Variants in NEXMIF observed in about 807,000 individuals in gnomAD.
NEXMIF encodes XLMR protein related to neurite extension.
In NEXMIF, 8 loss-of-function variants were observed where a neutral mutation model predicts 62.1. The observed-to-expected ratio is 0.13, with a 90% CI of 0.08 to 0.23. The LOEUF is 0.23. NEXMIF is among the 10% of genes least tolerant of loss of function. NEXMIF has a pLI of 1.00. For missense variants in NEXMIF, 976 were observed against 1,113.3 expected, an observed-to-expected ratio of 0.88 and a Z score of 1.75; for synonymous variants, 404 against 416.6, an observed-to-expected ratio of 0.97 and a Z score of 0.37.
intron 1 of NEXMIF, among the ~76,000 whole-genome samples, chrX:74,826,764 A>T (rs190730237): frequency 9.0e-6 from 1 of 111,162 alleles, no homozygotes; most frequent in Non-Finnish European, 1.9e-5. Context: ...TTAAGTCTTT[A>T]TTCCATTTTG....
At chrX:74,891,900 A>G (rs963439357) in intron 1 of NEXMIF, among the ~76,000 whole-genome samples, 8 of 112,232 alleles carry the variant, frequency 7.1e-5, no homozygotes, top group African/African-American at 2.6e-4. Flanking sequence ...TTCACAGCTC[A>G]ACCTGGAGGG....
chrX:74,920,785 G>A (rs770851689), intron 1 of NEXMIF, among the ~76,000 whole-genome samples: 1 of 111,716 alleles, frequency 9.0e-6, no homozygotes, highest in Non-Finnish European at 1.9e-5. Context: ...CTTTACACCT[G>A]TTCTTGACAG....
At chrX:74,883,154 A>C (rs990903650) in intron 1 of NEXMIF, among the ~76,000 whole-genome samples, 1 of 111,715 alleles carries the variant, frequency 9.0e-6, no homozygotes, top group African/African-American at 3.3e-5. Context: ...GTACGTCACC[A>C]TCATCAAAGA....
At chrX:74,802,582 CAAG>C (rs2080333055) in intron 1 of NEXMIF, among the ~76,000 whole-genome samples, 1 of 110,285 alleles carries the variant, frequency 9.1e-6, no homozygotes, top group Non-Finnish European at 1.9e-5. Context: ...AAAGCCTTTC[CAAG>C]AAGGACAGGT....
chrX:74,880,293 C>T (rs758407007), intron 1 of NEXMIF, among the ~76,000 whole-genome samples: 1 of 111,822 alleles, frequency 8.9e-6, no homozygotes, highest in East Asian at 2.8e-4. Flanking sequence ...ATAACTTCCA[C>T]AGACAGACTG....
chrX:74,767,130 C>T (rs960425561), intron 1 of NEXMIF, among the ~76,000 whole-genome samples: 1 of 112,317 alleles, frequency 8.9e-6, no homozygotes, highest in East Asian at 2.8e-4. Context: ...GAGCTCTGTC[C>T]CAGGGAGCTG....
chrX:74,884,009 A>T (rs2080678450), intron 1 of NEXMIF, among the ~76,000 whole-genome samples: 1 of 112,357 alleles, frequency 8.9e-6, no homozygotes, highest in South Asian at 3.7e-4. Context: ...CTTAAAGAAA[A>T]GAATTTTCAA....
intron 1 of NEXMIF, among the ~76,000 whole-genome samples, chrX:74,751,806 C>G (rs2080144928): frequency 1.0e-5 from 1 of 96,996 alleles, no homozygotes; most frequent in Admixed American, 1.1e-4. Context: ...CCTTCCCTCC[C>G]TCCCTCCTCC....
At chrX:74,776,464 G>A (rs1032563834) in intron 1 of NEXMIF, among the ~76,000 whole-genome samples, 3 of 111,190 alleles carry the variant, frequency 2.7e-5, no homozygotes, top group South Asian at 3.8e-4. Context: ...GGTGGCTCAC[G>A]CCTGTAATCC....
At chrX:74,876,805 G>C (rs2080636609) in intron 1 of NEXMIF, among the ~76,000 whole-genome samples, 1 of 103,764 alleles carries the variant, frequency 9.6e-6, no homozygotes, top group Non-Finnish European at 2.0e-5. Flanking sequence ...CAGAGACTAG[G>C]ATTGCAACCC....
intron 1 of NEXMIF, among the ~76,000 whole-genome samples, chrX:74,791,420 A>T (rs1196841073): frequency 9.0e-6 from 1 of 111,314 alleles, no homozygotes. Flanking sequence ...TTCATCAAGG[A>T]TAGTGGTCTA....
intron 1 of NEXMIF, among the ~76,000 whole-genome samples, chrX:74,873,676 T>C (rs1602259091): frequency 8.9e-6 from 1 of 111,951 alleles, no homozygotes; most frequent in South Asian, 3.7e-4. Context: ...TTTTAATGAT[T>C]GCCATTCTAA....
intron 1 of NEXMIF, among the ~76,000 whole-genome samples, chrX:74,825,117 G>A (rs1018524002): frequency 9.0e-5 from 10 of 111,478 alleles, no homozygotes; most frequent in African/African-American, 3.3e-4. Flanking sequence ...TTTCACTGTG[G>A]TTTTAATTTG....
At chrX:74,906,358 C>T (rs2080769464) in intron 1 of NEXMIF, among the ~76,000 whole-genome samples, 1 of 110,666 alleles carries the variant, frequency 9.0e-6, no homozygotes, top group Non-Finnish European at 1.9e-5. Flanking sequence ...CTCTGGGTGC[C>T]TGGGGACCTT....
At chrX:74,753,023 T>C (rs1220296670) in intron 1 of NEXMIF, among the ~76,000 whole-genome samples, 1 of 111,766 alleles carries the variant, frequency 8.9e-6, no homozygotes, top group African/African-American at 3.3e-5. Context: ...CACACCACTA[T>C]AGCCTGGCCC....
At chrX:74,794,539 T>G (rs1424397637) in intron 1 of NEXMIF, among the ~76,000 whole-genome samples, 1 of 112,475 alleles carries the variant, frequency 8.9e-6, no homozygotes, top group East Asian at 2.8e-4. Flanking sequence ...GTTTACCTTA[T>G]CAAGCCTGGG....
intron 1 of NEXMIF, among the ~76,000 whole-genome samples, chrX:74,783,922 A>G (rs1215412894): frequency 9.0e-6 from 1 of 110,833 alleles, no homozygotes; most frequent in Admixed American, 9.7e-5. Flanking sequence ...AGTTTTAGGT[A>G]TGAGTATGTG....
rs1354661444 is a variant in NEXMIF at position 74,738,826 on chromosome X, G to GTGTGTGTGTGTGTAT, written c.*578_*579insATACACACACACACA. 2.8e-5 allele frequency: 3 copies of GTGTGTGTGTGTGTAT among 107,664 alleles called. No individual in the cohort carries two copies. Among genetic ancestry groups the GTGTGTGTGTGTGTAT allele is most frequent in the African/African-American group, 1.0e-4 (3 of 29,321 alleles). 8.9% of individuals were successfully genotyped at this position (107,664 alleles called of 1,213,427 possible). ...AGAGTCTAAAACTTTAAAAGAACGT[G>GTGTGTGTGTGTGTAT]TGTGTGTGTATATATATATATACAT... On this transcript the variant is annotated 3_prime_UTR_variant, in exon 4 of 4. Transcript: ENST00000055682.
At chrX:74,752,196 T>C (rs749645049) in intron 1 of NEXMIF, among the ~76,000 whole-genome samples, 2 of 112,221 alleles carry the variant, frequency 1.8e-5, no homozygotes, top group East Asian at 2.8e-4. Context: ...TTTTGTGTGA[T>C]ACTGAGATGA....
Sources: gnomAD v4.1 joint callset for allele counts (sites outside exome capture counted in the v4.1 genomes callset) on GRCh38, gnomAD v4.1.1 for gene constraint, MANE v1.5 for transcripts, NCBI Gene and HGNC (gene_info 2026-07-23, HGNC 2026-07-21) for gene names.